SEMA3E: variants seen among roughly 807,000 people sequenced by gnomAD.
SEMA3E encodes semaphorin 3E, also known as semaphorin-3E.
Under a neutral mutation model 93.6 loss-of-function variants are expected in SEMA3E, and 49 were observed. The observed-to-expected ratio is 0.52, with a 90% confidence interval of 0.42 to 0.66. SEMA3E has a LOEUF of 0.66. Among genes scored for constraint, SEMA3E ranks in the 30% least tolerant of loss-of-function variants. SEMA3E has a pLI of 0.00. For synonymous variants in SEMA3E, 363 were observed against 330.7 expected (o/e 1.10, Z -1.06); for missense variants, 906 against 964.8 (o/e 0.94, Z 0.81).
At chr7:83,429,631 A>C (rs1182672481) in intron 4 of SEMA3E, among the ~76,000 whole-genome samples, 2 of 152,308 alleles carry the variant, frequency 1.3e-5, no homozygotes, top group East Asian at 3.9e-4. Flanking sequence ...TTTTGAAGGA[A>C]GTCTAACCTC....
At chr7:83,426,496 C>T (rs1351033098) in intron 4 of SEMA3E, among the ~76,000 whole-genome samples, 1 of 152,112 alleles carries the variant, frequency 6.6e-6, no homozygotes, top group Non-Finnish European at 1.5e-5. Flanking sequence ...CACATGTTCT[C>T]ACTTATAGAA....
intron 1 of SEMA3E, among the ~76,000 whole-genome samples, chr7:83,560,770 C>T (rs17157824): frequency 0.12 from 18,906 of 151,298 alleles, 1,268 homozygotes; most frequent in East Asian, 0.2. Context: ...GATCTAGGTG[C>T]CAATGAACTT....
At chr7:83,636,321 A>G (rs1253280416) in intron 1 of SEMA3E, among the ~76,000 whole-genome samples, 5 of 152,120 alleles carry the variant, frequency 3.3e-5, no homozygotes, top group Admixed American at 2.0e-4. Context: ...GTCTCATCAT[A>G]TCTCCTGTAT....
intron 1 of SEMA3E, among the ~76,000 whole-genome samples, chr7:83,620,419 C>A (rs898500064): frequency 6.6e-6 from 1 of 152,054 alleles, no homozygotes; most frequent in Non-Finnish European, 1.5e-5. Context: ...ACCAGACGTA[C>A]AAAGAGGAGC....
chr7:83,513,393 C>G (rs1486513698), intron 1 of SEMA3E, among the ~76,000 whole-genome samples: 1 of 152,144 alleles, frequency 6.6e-6, no homozygotes, highest in Non-Finnish European at 1.5e-5. Flanking sequence ...AGGGAATCAG[C>G]CAGCAGTGCC....
rs577099104 is a variant in SEMA3E, at chr7:83,405,666, A to C, written c.929-147T>G. 69 of 774,678 alleles carry C rather than the reference A, an allele frequency of 8.9e-5. 2 individuals carry two copies. The South Asian group carries it at 1.0e-3, about 12-fold the overall frequency. The allele number at this position is 774,678 out of a possible 1,614,324, so 48.0% of individuals were successfully genotyped here. A position where few individuals can be genotyped will look rare whatever the true frequency, so the allele number is the denominator to read the frequency against. On this transcript the variant is annotated intron_variant, in intron 8 of 16. Coordinates refer to ENST00000643230, the MANE Select transcript of SEMA3E (RefSeq NM_012431.3). ...ACAATCATACAACCATGACCAAGTC[A>C]TAACAGAGCTAATCATTCAGCTATT...
At chr7:83,386,862 T>C (rs1391698437) in intron 15 of SEMA3E, 121 bp downstream of exon 15, 1 of 886,784 alleles carries the variant, frequency 1.1e-6, no homozygotes, top group Non-Finnish European at 1.8e-6. Context: ...AAAGAATACT[T>C]ATTACATTGT....
At chr7:83,432,483 T>C (rs1367998779) in intron 4 of SEMA3E, among the ~76,000 whole-genome samples, 2 of 152,192 alleles carry the variant, frequency 1.3e-5, no homozygotes, top group Non-Finnish European at 2.9e-5. Context: ...TGAAATGGTA[T>C]AACCTGTGGA....
intron 1 of SEMA3E, among the ~76,000 whole-genome samples, chr7:83,514,368 C>T (rs1434948753): frequency 1.3e-5 from 2 of 151,952 alleles, no homozygotes; most frequent in Admixed American, 1.3e-4. Flanking sequence ...GCGTGAGATC[C>T]AAGAGCAAAG....
chr7:83,557,109 T>C (rs972997958), intron 1 of SEMA3E, among the ~76,000 whole-genome samples: 1 of 152,186 alleles, frequency 6.6e-6, no homozygotes, highest in Non-Finnish European at 1.5e-5. Flanking sequence ...TATAAATTAC[T>C]GAATAAATGT....
chr7:83,424,386 G>A (rs1441880293), intron 4 of SEMA3E, among the ~76,000 whole-genome samples: 1 of 152,062 alleles, frequency 6.6e-6, no homozygotes, highest in Non-Finnish European at 1.5e-5. Context: ...AATTACTACA[G>A]TATGATGTCA....
rs2115581462 is a variant in SEMA3E at position 83,392,531 on chromosome 7, AGTTAATCAGGTAGCAC to A, written c.1667+8_1667+23del. On this transcript the variant is annotated splice_region_variant and intron_variant, in intron 14 of 16. Transcript: ENST00000643230. ...TAGGGTTTTCCTAAGCAAGGGAAAT[AGTTAATCAGGTAGCAC>A]GTCTCACCTTTTTGCATGTGTGCCT... 1 of 1,609,624 alleles carries A rather than the reference AGTTAATCAGGTAGCAC, an allele frequency of 6.2e-7. No homozygotes were observed.
chr7:83,453,031 A>G (rs1789396951), intron 4 of SEMA3E, among the ~76,000 whole-genome samples: 1 of 151,942 alleles, frequency 6.6e-6, no homozygotes, highest in Non-Finnish European at 1.5e-5. Context: ...TTTATATCAT[A>G]TATATATATA....
intron 1 of SEMA3E, among the ~76,000 whole-genome samples, chr7:83,522,833 A>T (rs1369219558): frequency 6.6e-6 from 1 of 152,068 alleles, no homozygotes; most frequent in Non-Finnish European, 1.5e-5. Flanking sequence ...CTCATCCAAG[A>T]CTTTTTCCCT....
rs769540934 is a variant in SEMA3E, at chr7:83,469,276, T to C, written c.303A>G (p.Lys101=). ...KEIHWPSTAL[K]MEECIMKGKD... is the part of the protein sequence containing the mutation. Reference sequence around the variant, plus strand: ...TTCCCTTCATTATGCATTCTTCCATTTTTAGAGCTGTACTCGGCCAGTGTA... The same window carrying C: ...TTCCCTTCATTATGCATTCTTCCATCTTTAGAGCTGTACTCGGCCAGTGTA... The change falls in exon 3 of 17, where the codon AAA becomes AAG. Residue 101 remains lysine (K), a synonymous_variant. Coordinates refer to ENST00000643230, the MANE Select transcript of SEMA3E (RefSeq NM_012431.3). The C allele has an allele frequency of 2.5e-6, 4 of 1,611,058 alleles. No homozygotes were observed. The South Asian group carries it at 4.4e-5, about 18-fold the overall frequency.
chr7:83,565,981 C>A (rs1393988787), intron 1 of SEMA3E, among the ~76,000 whole-genome samples: 1 of 148,888 alleles, frequency 6.7e-6, no homozygotes, highest in Admixed American at 6.8e-5. Context: ...TCCTTACTTA[C>A]CAATGTTTCC....
In SEMA3E at chr7:83,607,208, G is replaced by C. The variant is rs978662867; in HGVS notation, c.115+41220C>G. ...CTTTTAAAAAGTACAGATTCAACCA[G>C]TCAGTTATTGTGTCCACATGACAAC... On this transcript the variant is annotated intron_variant, in intron 1 of 16. Coordinates refer to ENST00000643230, the MANE Select transcript of SEMA3E (RefSeq NM_012431.3). Among the ~76,000 whole-genome samples the C allele has an allele frequency of 2.6e-5, 4 of 152,272 alleles. No homozygotes were observed. In the East Asian group the frequency reaches 7.7e-4, roughly 29 times the overall value.
intron 4 of SEMA3E, chr7:83,461,938 T>C (rs954314338): frequency 3.3e-5 from 5 of 152,256 alleles, no homozygotes; most frequent in African/African-American, 9.6e-5. Flanking sequence ...GCTTGCTACA[T>C]GTGCCGGAAA....
chr7:83,571,969 T>TA (rs1487765754), intron 1 of SEMA3E, among the ~76,000 whole-genome samples: 1 of 151,864 alleles, frequency 6.6e-6, no homozygotes, highest in Non-Finnish European at 1.5e-5. Flanking sequence ...CAATCCCACT[T>TA]ACAGTATCCA....
Sources: gnomAD v4.1 joint callset for allele counts (sites outside exome capture counted in the v4.1 genomes callset) on GRCh38, gnomAD v4.1.1 for gene constraint, MANE v1.5 for transcripts, NCBI Gene and HGNC (gene_info 2026-07-23, HGNC 2026-07-21) for gene names.